The following FBXL2 variants were observed in gnomAD, a reference collection of about 807,000 sequenced individuals.
FBXL2 encodes F-box/LRR-repeat protein 2.
FBXL2 carries 38 observed loss-of-function variants against 69.2 expected under a neutral mutation model. The ratio of observed to expected loss-of-function variants is 0.55; its 90% CI spans 0.42 to 0.72. The LOEUF (loss-of-function observed/expected upper bound fraction) is 0.72, where lower values mean the gene tolerates loss of function less well. Ranked by LOEUF, FBXL2 falls within the 30% of genes least tolerant of loss-of-function variation. FBXL2 has a pLI of 0.00. For missense variants in FBXL2, 354 were observed against 520.3 expected (o/e 0.68, Z 3.11); for synonymous variants, 192 against 201.3 (o/e 0.95, Z 0.39).
chr3:33,324,318 T>C (rs537462826), intron 2 of FBXL2, among the ~76,000 whole-genome samples: 17 of 152,306 alleles, frequency 1.1e-4, no homozygotes, highest in African/African-American at 3.6e-4. Context: ...TAGATCCCAT[T>C]TGTCAATTTT....
the FBXL2 span, among the ~76,000 whole-genome samples, chr3:33,417,812 C>A: frequency 2.6e-5 from 4 of 152,262 alleles, no homozygotes; most frequent in Non-Finnish European, 4.4e-5. Flanking sequence ...TAACTACCAA[C>A]ACCTTGTCCA....
intron 5 of FBXL2, among the ~76,000 whole-genome samples, chr3:33,372,829 AG>A (rs1306872713): frequency 6.6e-6 from 1 of 152,204 alleles, no homozygotes; most frequent in African/African-American, 2.4e-5. Flanking sequence ...ACTGATTGAT[AG>A]GTAGTCTAGG....
chr3:33,419,423 T>G, the FBXL2 span, among the ~76,000 whole-genome samples: 1 of 151,272 alleles, frequency 6.6e-6, no homozygotes, highest in Non-Finnish European at 1.5e-5. Flanking sequence ...AGGTCAGGAG[T>G]TTGAGACCAG....
intron 1 of FBXL2, among the ~76,000 whole-genome samples, chr3:33,286,731 G>A (rs2034663967): frequency 6.6e-6 from 1 of 152,198 alleles, no homozygotes; most frequent in African/African-American, 2.4e-5. Context: ...TCAAGCCTCA[G>A]CAATGGCGGG....
intron 7 of FBXL2, 69 bp from the exon 8 acceptor site, chr3:33,373,509 A>T: frequency 6.2e-7 from 1 of 1,607,246 alleles, no homozygotes; most frequent in African/African-American, 1.3e-5. Context: ...TGATGTACTA[A>T]ACTCAGAGTT....
At chr3:33,396,135 C>T in intron 12 of FBXL2, 1 of 1,520,004 alleles carries the variant, frequency 6.6e-7, no homozygotes, top group Non-Finnish European at 9.0e-7. Context: ...TCAGAAGTGA[C>T]AGAATTGAGA....
At chr3:33,280,449 C>T (rs546953673) in intron 1 of FBXL2, among the ~76,000 whole-genome samples, 1 of 152,216 alleles carries the variant, frequency 6.6e-6, no homozygotes, top group East Asian at 1.9e-4. Flanking sequence ...TGGCTCACGC[C>T]TGTAATCCCA....
chr3:33,376,736 C>T (rs981576141), intron 10 of FBXL2, among the ~76,000 whole-genome samples: 2 of 152,042 alleles, frequency 1.3e-5, no homozygotes, highest in African/African-American at 4.8e-5. Context: ...CATGGTGGCT[C>T]ATGCCTGTAA....
In FBXL2 at chr3:33,378,748, C is replaced by CT; in HGVS notation, c.951+8dup. 6.2e-7 allele frequency: 1 copy of CT among 1,614,084 alleles called. No individual in the cohort carries two copies. The highest frequency in any genetic ancestry group is 8.5e-7 in the Non-Finnish European group (1 of 1,179,986). ...TCCTAAACTGCAAGCCCTGGTGAGT[C>CT]TGAGTTTTTCTGACATTATTCACCT... On this transcript the variant is annotated splice_region_variant and intron_variant, in intron 13 of 14. Transcript: ENST00000484457.
intron 1 of FBXL2, among the ~76,000 whole-genome samples, chr3:33,290,806 G>A (rs1240905558): frequency 6.6e-6 from 1 of 151,932 alleles, no homozygotes; most frequent in Non-Finnish European, 1.5e-5. Flanking sequence ...TCAACTTTCT[G>A]AAAATCAAAA....
intron 2 of FBXL2, among the ~76,000 whole-genome samples, chr3:33,298,757 T>G (rs1212397579): frequency 6.6e-6 from 1 of 151,630 alleles, no homozygotes; most frequent in African/African-American, 2.4e-5. Context: ...TTTTAATTCT[T>G]TATGAGGAAT....
Position 33,385,718 on chromosome 3 carries a change from G to C in FBXL2, c.*110G>C. ...AATCTGTTGATTCTCCATTGGGAAA[G>C]GCATTTACAGGTAAAAGACTTCTGT... On this transcript the variant is annotated 3_prime_UTR_variant, in exon 15 of 15. Transcript: ENST00000484457. 2.4e-6 allele frequency: 2 copies of C among 828,274 alleles called. No homozygotes were observed. Among genetic ancestry groups the C allele is most frequent in the South Asian group, 3.1e-5 (2 of 64,624 alleles). The allele number at this position is 828,274 out of a possible 1,614,324, so 51.3% of individuals were successfully genotyped here.
intron 2 of FBXL2, among the ~76,000 whole-genome samples, chr3:33,304,503 G>T (rs554841429): frequency 6.6e-5 from 10 of 152,050 alleles, no homozygotes; most frequent in African/African-American, 2.4e-4. Flanking sequence ...CATTTTTACT[G>T]CTGTATAATA....
chr3:33,377,443 A>G, intron 11 of FBXL2, 110 bp downstream of exon 11: 1 of 1,036,802 alleles, frequency 9.6e-7, no homozygotes, highest in Admixed American at 1.8e-5. Context: ...AAAGACAGGC[A>G]CAAAGTAGAG....
At chr3:33,284,557 T>G (rs2034396120) in intron 1 of FBXL2, among the ~76,000 whole-genome samples, 1 of 152,230 alleles carries the variant, frequency 6.6e-6, no homozygotes, top group Admixed American at 6.5e-5. Context: ...AGATGTCTAT[T>G]AGGTCCGCTT....
downstream of FBXL2, chr3:33,390,114 C>T (rs916708399): frequency 1.7e-5 from 9 of 534,778 alleles, no homozygotes; most frequent in Admixed American, 3.2e-5. Context: ...TGGATGCATG[C>T]TGTGCCGATG....
At chr3:33,364,386 TG>T (rs1306823031) in intron 4 of FBXL2, 2 of 525,770 alleles carry the variant, frequency 3.8e-6, no homozygotes, top group Admixed American at 7.1e-5. Context: ...TTTGCATTTG[TG>T]TTTGTTTTTG....
intron 2 of FBXL2, among the ~76,000 whole-genome samples, chr3:33,343,422 A>G (rs2040214630): frequency 6.6e-6 from 1 of 152,134 alleles, no homozygotes; most frequent in Non-Finnish European, 1.5e-5. Flanking sequence ...ATTTAGATTA[A>G]TAAAAAACTT....
At chr3:33,416,924 A>T in the FBXL2 span, 1 of 1,072,578 alleles carries the variant, frequency 9.3e-7, no homozygotes. Flanking sequence ...CTCAGAACAT[A>T]CATTACACAA....
Sources: allele counts gnomAD v4.1 joint callset (sites outside exome capture counted in the v4.1 genomes callset), GRCh38; gene constraint gnomAD v4.1.1; transcripts MANE v1.5; gene names NCBI Gene and HGNC (gene_info 2026-07-23, HGNC 2026-07-21).